The following IHO1 variants were observed in gnomAD, a reference collection of about 807,000 sequenced individuals.
The protein encoded by IHO1 is interactor of HORMAD1 protein 1.
IHO1 carries 13 observed loss-of-function variants against 31.0 expected under a neutral mutation model. The observed-to-expected ratio is 0.42, with a 90% confidence interval of 0.27 to 0.67. IHO1 has a LOEUF of 0.67. Among genes scored for constraint, IHO1 ranks in the 30% least tolerant of loss-of-function variants. The pLI is 0.24. For synonymous variants in IHO1, 221 were observed against 248.4 expected (o/e 0.89, Z 1.04); for missense variants, 599 against 687.5 (o/e 0.87, Z 1.44).
At chr3:49,214,627 T>C (rs199918588) in intron 2 of IHO1, among the ~76,000 whole-genome samples, 8 of 25,424 alleles carry the variant, frequency 3.1e-4, no homozygotes, top group East Asian at 0.036. Flanking sequence ...TATATATATA[T>C]ATATATTTTT....
chr3:49,226,190 T>G (rs751945371), intron 2 of IHO1, among the ~76,000 whole-genome samples: 1 of 152,106 alleles, frequency 6.6e-6, no homozygotes, highest in Non-Finnish European at 1.5e-5. Context: ...GGCTGCAGCC[T>G]TTCTCTGATC....
intron 2 of IHO1, among the ~76,000 whole-genome samples, chr3:49,212,163 C>CAAA (rs35238412): frequency 4.0e-5 from 2 of 50,130 alleles, no homozygotes; most frequent in Non-Finnish European, 7.9e-5. Flanking sequence ...GACTCCGTCT[C>CAAA]AAAAAAAAAA....
intron 6 of IHO1, chr3:49,252,324 G>A (rs2046770321): frequency 6.5e-6 from 1 of 153,484 alleles, no homozygotes; most frequent in Non-Finnish European, 1.5e-5. Flanking sequence ...AGCCAGCATT[G>A]CCAGTGGGGT....
At chr3:49,238,854 CCCA>C (rs1410266984) in intron 3 of IHO1, among the ~76,000 whole-genome samples, 2 of 152,154 alleles carry the variant, frequency 1.3e-5, no homozygotes, top group African/African-American at 4.8e-5. Flanking sequence ...AACCTGCTTT[CCCA>C]CCCTCGCCTG....
chr3:49,231,339 T>C (rs2046480029), intron 2 of IHO1, among the ~76,000 whole-genome samples: 2 of 152,236 alleles, frequency 1.3e-5, no homozygotes, highest in Non-Finnish European at 2.9e-5. Context: ...TTTTTGAAAT[T>C]AACTAATTGG....
At chr3:49,215,989 A>G (rs1228415998) in intron 2 of IHO1, among the ~76,000 whole-genome samples, 1 of 152,332 alleles carries the variant, frequency 6.6e-6, no homozygotes, top group East Asian at 1.9e-4. Context: ...CTGAACTATT[A>G]GAGTCTCTTT....
intron 1 of IHO1, among the ~76,000 whole-genome samples, chr3:49,210,613 G>A (rs2046198137): frequency 6.6e-6 from 1 of 151,046 alleles, no homozygotes; most frequent in African/African-American, 2.4e-5. Context: ...TGGCCAGGCT[G>A]TTCTCAAACT....
chr3:49,207,601 C>T (rs1310425380), intron 1 of IHO1, among the ~76,000 whole-genome samples: 1 of 151,936 alleles, frequency 6.6e-6, no homozygotes, highest in Non-Finnish European at 1.5e-5. Context: ...GAATATTAAC[C>T]AGGTATTCTG....
intron 1 of IHO1, among the ~76,000 whole-genome samples, chr3:49,210,537 C>T (rs544999047): frequency 6.6e-6 from 1 of 151,494 alleles, no homozygotes; most frequent in African/African-American, 2.4e-5. Flanking sequence ...GCTGGGATTA[C>T]AGGCACCCGC....
At chr3:49,219,079 C>A (rs1457274731) in intron 2 of IHO1, among the ~76,000 whole-genome samples, 1 of 152,102 alleles carries the variant, frequency 6.6e-6, no homozygotes. Context: ...AAGGCTGAGG[C>A]GGATGCATCA....
At chr3:49,233,245 A>G (rs1056381738) in intron 2 of IHO1, among the ~76,000 whole-genome samples, 1 of 152,238 alleles carries the variant, frequency 6.6e-6, no homozygotes, top group East Asian at 1.9e-4. Flanking sequence ...ATCTGGAAAC[A>G]TGGCAGTATA....
At chr3:49,242,781 G>A (rs1375930338) in intron 4 of IHO1, among the ~76,000 whole-genome samples, 1 of 151,758 alleles carries the variant, frequency 6.6e-6, no homozygotes, top group African/African-American at 2.4e-5. Flanking sequence ...CTACAGCCTG[G>A]GAGACAAGAG....
rs560684259 is a variant in IHO1, at chr3:49,224,233, G to A, written c.57-12315G>A. Reference sequence around the variant, plus strand: ...TCGGGGAATACTGGGGCTTAATCTCGTGGAGGGAGTTGTTCCATACCAAGG... The same window carrying A: ...TCGGGGAATACTGGGGCTTAATCTCATGGAGGGAGTTGTTCCATACCAAGG... On this transcript the variant is annotated intron_variant, in intron 2 of 7. Transcript: ENST00000452691. Among the ~76,000 whole-genome samples the A allele has an allele frequency of 8.5e-5, 13 of 152,284 alleles. No individual in the cohort carries two copies. The East Asian group carries it at 1.5e-3, about 18-fold the overall frequency.
chr3:49,256,634 T>A lies in IHO1; in HGVS notation c.1137T>A (p.Ile379=). ...GTTCCAGCGTCCCAGGCCATAAGAT[T>A]CCCAGTGACAGGGACCTGGTTTCCC... is the stretch of plus-strand genomic sequence containing the variant. ...NHGSSVPGHK[I]PSDRDLVSQG... is the part of the protein sequence containing the mutation. The change falls in exon 8 of 8, where the codon ATT becomes ATA. Residue 379 remains isoleucine (I), a synonymous_variant. Coordinates refer to ENST00000452691, the MANE Select transcript of IHO1 (RefSeq NM_001135197.2). This position sits in a 1 kb window ranked among gnomAD's most constrained non-coding sequence, Gnocchi z 4.6. The A allele has an allele frequency of 6.2e-7, 1 of 1,614,196 alleles. No individual in the cohort carries two copies. The highest frequency in any genetic ancestry group is 8.5e-7 in the Non-Finnish European group (1 of 1,180,030).
chr3:49,232,667 C>T (rs1341992002), intron 2 of IHO1, among the ~76,000 whole-genome samples: 1 of 152,164 alleles, frequency 6.6e-6, no homozygotes, highest in Non-Finnish European at 1.5e-5. Context: ...TCACAAGCAA[C>T]ACCCATCGAA....
At chr3:49,246,742 A>G (rs2046699722) in intron 6 of IHO1, among the ~76,000 whole-genome samples, 1 of 152,202 alleles carries the variant, frequency 6.6e-6, no homozygotes, top group Non-Finnish European at 1.5e-5. Context: ...AGGGAAAGGA[A>G]GTGCCTGAGG....
intron 1 of IHO1, among the ~76,000 whole-genome samples, chr3:49,203,486 G>A (rs1373168683): frequency 1.3e-5 from 2 of 152,168 alleles, no homozygotes; most frequent in African/African-American, 2.4e-5. Flanking sequence ...TAAGGTTACT[G>A]TAACTCTGGC....
upstream of IHO1, among the ~76,000 whole-genome samples, chr3:49,197,255 G>C (rs1165606783): frequency 6.7e-6 from 1 of 148,740 alleles, no homozygotes; most frequent in Non-Finnish European, 1.5e-5. Context: ...CTCCCAAAGT[G>C]CTGGGATTAC....
At chr3:49,202,953 C>G (rs1269278875) in intron 1 of IHO1, among the ~76,000 whole-genome samples, 3 of 148,452 alleles carry the variant, frequency 2.0e-5, no homozygotes, top group Non-Finnish European at 4.4e-5. Flanking sequence ...AGCTCCGCTT[C>G]CCGGGTTCAC....
Sources: gnomAD v4.1 joint callset for allele counts (sites outside exome capture counted in the v4.1 genomes callset) on GRCh38, gnomAD v4.1.1 for gene constraint, Gnocchi (gnomAD v3.1) non-coding constraint, MANE v1.5 for transcripts, NCBI Gene and HGNC (gene_info 2026-07-23, HGNC 2026-07-21) for gene names.